PRKDC: variants seen among roughly 807,000 people sequenced by gnomAD.
The protein encoded by PRKDC is protein kinase, DNA-activated, catalytic subunit, also known as DNA-dependent protein kinase catalytic subunit.
PRKDC carries 82 observed loss-of-function variants against 486.9 expected under a neutral mutation model. That is an observed-to-expected ratio of 0.17 (90% CI 0.14 to 0.20). The LOEUF (loss-of-function observed/expected upper bound fraction) is 0.20, where lower values mean the gene tolerates loss of function less well. Among genes scored for constraint, PRKDC ranks in the 10% least tolerant of loss-of-function variants. The pLI is 1.00. For synonymous variants in PRKDC, 1,895 were observed against 1,837.0 expected (o/e 1.03, Z -0.81); for missense variants, 4,504 against 5,038.2 (o/e 0.89, Z 3.21).
In PRKDC at chr8:47,774,311, T is replaced by C; in HGVS notation, c.12249A>G (p.Gly4083=). ...AFRDYVAVAR[G]SKDHNIRAQE... is the part of the protein sequence containing the mutation. ...GGGCACGAATGTTGTGATCTTTGCTTCCTCGTGCCACAGCCACATAGTCTC... is the reference window on the plus strand; with the variant it reads ...GGGCACGAATGTTGTGATCTTTGCTCCCTCGTGCCACAGCCACATAGTCTC... Residue 4083 remains glycine (G), a synonymous_variant, in exon 86 of 86, where the codon GGA becomes GGG. Transcript: ENST00000314191. The C allele has an allele frequency of 6.2e-7, 1 of 1,613,418 alleles. No individual in the cohort carries two copies. Among genetic ancestry groups the C allele is most frequent in the East Asian group, 2.2e-5 (1 of 44,884 alleles).
At chr8:47,797,600 T>C (rs1239986548) in intron 73 of PRKDC, among the ~76,000 whole-genome samples, 2 of 152,218 alleles carry the variant, frequency 1.3e-5, no homozygotes, top group African/African-American at 2.4e-5. Flanking sequence ...TACACGTCTA[T>C]AAATGTCAAC....
intron 61 of PRKDC, 114 bp from the exon 62 acceptor site, chr8:47,828,461 T>G: frequency 1.2e-6 from 1 of 812,060 alleles, no homozygotes; most frequent in Non-Finnish European, 1.9e-6. Context: ...CTATTATACC[T>G]CTCAATTCTA....
In PRKDC at chr8:47,902,668, T is replaced by G. The variant is rs113191673; in HGVS notation, c.3170A>C (p.Lys1057Thr). The G allele has an allele frequency of 6.2e-7, 1 of 1,613,876 alleles. No homozygotes were observed. The highest frequency in any genetic ancestry group is 2.2e-5 in the East Asian group (1 of 44,884). Reference sequence around the variant, plus strand: ...GCTATAAAGTCGCTTGAAAAGCGATTTGGTGTTTACTGGACTCTTCTCCTG... The same window carrying G: ...GCTATAAAGTCGCTTGAAAAGCGATGTGGTGTTTACTGGACTCTTCTCCTG... ...QQQEKSPVNT[K>T]SLFKRLYSLA... Residue 1057 changes from lysine to threonine, a missense_variant, in exon 27 of 86, where the codon AAA becomes ACA. By Grantham distance (78) the Lys-to-Thr change is moderately conservative. Around this residue, in one of 6 missense-constraint regions of PRKDC, gnomAD observed 1,969 missense variants for 2,068.9 expected, o/e 0.95. Coordinates refer to ENST00000314191, the MANE Select transcript of PRKDC (RefSeq NM_006904.7).
At chr8:47,794,916 GT>G (rs2086950017) in intron 73 of PRKDC, among the ~76,000 whole-genome samples, 1 of 152,144 alleles carries the variant, frequency 6.6e-6, no homozygotes. Flanking sequence ...TTGAGATGGG[GT>G]CTCGCTCTGT....
At chr8:47,888,055 G>C (rs556940238) in intron 34 of PRKDC, among the ~76,000 whole-genome samples, 1 of 151,976 alleles carries the variant, frequency 6.6e-6, no homozygotes, top group African/African-American at 2.4e-5. Context: ...TTTTTTAATT[G>C]TTTGTAGAGA....
chr8:47,821,550 A>G, intron 65 of PRKDC, 54 bp downstream of exon 65: 1 of 1,508,390 alleles, frequency 6.6e-7, no homozygotes, highest in Non-Finnish European at 9.0e-7. Flanking sequence ...TTTGTTAAGT[A>G]GAAAACACCT....
In PRKDC at chr8:47,831,809, C is replaced by G. The variant is rs376002667; in HGVS notation, c.8265+5G>C. On this transcript the variant is annotated splice_donor_5th_base_variant and intron_variant, in intron 60 of 85. Transcript: ENST00000314191. ...TTCTGATCAAATTCTTGACAAGATA[C>G]AAACCTTCTCTCGTTTTTGCTCAGC... 1.2e-6 allele frequency: 2 copies of G among 1,613,308 alleles called. No homozygotes were observed. The highest frequency in any genetic ancestry group is 1.7e-6 in the Non-Finnish European group (2 of 1,179,266).
chr8:47,943,750 G>T (rs2090484093), intron 9 of PRKDC, 103 bp downstream of exon 9: 1 of 1,016,486 alleles, frequency 9.8e-7, no homozygotes, highest in Non-Finnish European at 1.5e-6. Context: ...AAACATCACA[G>T]ATGTTATCAC....
intron 4 of PRKDC, among the ~76,000 whole-genome samples, chr8:47,954,819 A>T (rs2090676271): frequency 6.6e-6 from 1 of 152,176 alleles, no homozygotes. Context: ...CAAAAAAAAC[A>T]GAAACAGGTC....
chr8:47,842,450 TCCTATACAGAGCCTCAGGAGAG>T (rs1563762771), intron 54 of PRKDC, among the ~76,000 whole-genome samples: 3 of 151,912 alleles, frequency 2.0e-5, no homozygotes, highest in Non-Finnish European at 2.9e-5. Context: ...ACAGGAGAGA[TCCTATACAGAGCCTCAGGAGAG>T]CCTATACAGA....
intron 45 of PRKDC, among the ~76,000 whole-genome samples, chr8:47,860,387 C>T (rs553920244): frequency 1.3e-5 from 2 of 152,270 alleles, no homozygotes; most frequent in South Asian, 4.1e-4. Context: ...AGGCCTGGCG[C>T]CTACAAGGCA....
At chr8:47,915,833 A>C (rs934773569) in intron 22 of PRKDC, among the ~76,000 whole-genome samples, 3 of 152,242 alleles carry the variant, frequency 2.0e-5, no homozygotes, top group African/African-American at 7.2e-5. Flanking sequence ...CCAGGCAAGA[A>C]ATTTTAAATA....
intron 22 of PRKDC, among the ~76,000 whole-genome samples, 186 bp from the exon 23 acceptor site, chr8:47,915,604 A>C (rs2089971332): frequency 6.6e-6 from 1 of 152,270 alleles, no homozygotes; most frequent in Non-Finnish European, 1.5e-5. Context: ...TGTTTTATGT[A>C]GGTCCTGTTT....
intron 30 of PRKDC, among the ~76,000 whole-genome samples, chr8:47,896,082 T>C (rs1589773821): frequency 6.6e-6 from 1 of 152,114 alleles, no homozygotes; most frequent in South Asian, 2.1e-4. Flanking sequence ...TTTTAAACAA[T>C]TATCTAAATT....
At chr8:47,790,091 T>C (rs2086859728) in intron 74 of PRKDC, among the ~76,000 whole-genome samples, 1 of 152,116 alleles carries the variant, frequency 6.6e-6, no homozygotes, top group Admixed American at 6.6e-5. Context: ...AAATAAAGGG[T>C]ATCTATATTA....
chr8:47,850,033 T>C (rs1276010551), intron 52 of PRKDC, among the ~76,000 whole-genome samples: 1 of 152,172 alleles, frequency 6.6e-6, no homozygotes, highest in Non-Finnish European at 1.5e-5. Context: ...TGTTATATAT[T>C]CATCTGTGTA....
intron 25 of PRKDC, among the ~76,000 whole-genome samples, chr8:47,906,358 A>G (rs995041515): frequency 6.6e-6 from 1 of 151,994 alleles, no homozygotes; most frequent in Non-Finnish European, 1.5e-5. Flanking sequence ...AAAAAAAATT[A>G]AAATGGCCAG....
chr8:47,849,007 G>C (rs1399891017), intron 54 of PRKDC, 147 bp downstream of exon 54: 1 of 1,055,336 alleles, frequency 9.5e-7, no homozygotes, highest in African/African-American at 1.6e-5. Flanking sequence ...CTATTCTTAT[G>C]GTGCCTTCAC....
intron 27 of PRKDC, among the ~76,000 whole-genome samples, chr8:47,900,911 G>A (rs907284316): frequency 6.6e-6 from 1 of 151,474 alleles, no homozygotes; most frequent in African/African-American, 2.4e-5. Context: ...GTGTGGTGGT[G>A]CATGCCTATA....
Sources: gnomAD v4.1 joint callset for allele counts (sites outside exome capture counted in the v4.1 genomes callset) on GRCh38, gnomAD v4.1.1 for gene constraint, gnomAD v4.1.1 regional missense constraint, MANE v1.5 for transcripts, NCBI Gene and HGNC (gene_info 2026-07-23, HGNC 2026-07-21) for gene names.